Variants in TIPRL observed in about 807,000 individuals in gnomAD.
TIPRL encodes the protein TIP41-like protein.
In TIPRL, 10 loss-of-function variants were observed where a neutral mutation model predicts 32.3. The observed-to-expected ratio is 0.31, with a 90% CI of 0.19 to 0.52. The LOEUF is 0.52. Among genes scored for constraint, TIPRL ranks in the 20% least tolerant of loss-of-function variants. The pLI, the probability that TIPRL is intolerant of heterozygous loss-of-function variation, is 0.96. For synonymous variants in TIPRL, 100 were observed against 114.0 expected (o/e 0.88, Z 0.78); for missense variants, 250 against 328.1 (o/e 0.76, Z 1.84).
intron 4 of TIPRL, among the ~76,000 whole-genome samples, chr1:168,194,829 A>G (rs568793955): frequency 2.6e-5 from 4 of 152,210 alleles, no homozygotes; most frequent in Non-Finnish European, 5.9e-5. Flanking sequence ...TTTCTAAGCA[A>G]TAGAGATGTG....
chr1:168,192,352 TC>T, intron 4 of TIPRL: 1 of 882,782 alleles, frequency 1.1e-6, no homozygotes, highest in Non-Finnish European at 1.4e-6. Flanking sequence ...AGACTCCGTC[TC>T]AAAAAAAAAA....
intron 1 of TIPRL, among the ~76,000 whole-genome samples, chr1:168,180,526 G>C (rs746617842): frequency 6.6e-6 from 1 of 152,168 alleles, no homozygotes; most frequent in African/African-American, 2.4e-5. Flanking sequence ...CTTTGGGAAT[G>C]AATTAAGGTA....
chr1:168,185,691 AC>A (rs1450748701), intron 3 of TIPRL, among the ~76,000 whole-genome samples: 2 of 148,796 alleles, frequency 1.3e-5, no homozygotes, highest in African/African-American at 5.0e-5. Context: ...AATTGCTTGA[AC>A]CCGGGAGGTG....
intron 4 of TIPRL, among the ~76,000 whole-genome samples, chr1:168,194,099 T>C (rs1308433375): frequency 6.6e-6 from 1 of 152,068 alleles, no homozygotes; most frequent in African/African-American, 2.4e-5. Flanking sequence ...ATTTGGAAAA[T>C]AGTTGACTTC....
intron 5 of TIPRL, 84 bp downstream of exon 5, chr1:168,196,726 A>C: frequency 1.0e-6 from 1 of 975,784 alleles, no homozygotes; most frequent in Non-Finnish European, 1.5e-6. Flanking sequence ...ATTTGAAATT[A>C]AACAATCTAT....
At position 168,185,624 on chromosome 1, in the gene TIPRL, G is replaced by C. The variant is rs574326534; in HGVS notation, c.384+746G>C. On this transcript the variant is annotated intron_variant, in intron 3 of 6. Coordinates refer to ENST00000367833, the MANE Select transcript of TIPRL (RefSeq NM_152902.5). ...CTTGTCTATTAAAAAAAAAAAATTA[G>C]CTGGGTGTGGTGGCGCACACCTGTA... 3.3e-5 allele frequency among the ~76,000 whole-genome samples: 5 copies of C among 149,958 alleles called. No homozygotes were observed. In the East Asian group the frequency reaches 9.8e-4, roughly 29 times the overall value.
intron 4 of TIPRL, 58 bp from the exon 5 acceptor site, chr1:168,196,489 A>G (rs1700154313): frequency 8.1e-7 from 1 of 1,239,736 alleles, no homozygotes; most frequent in Non-Finnish European, 1.1e-6. Context: ...CTTTCAGCAA[A>G]GTAATAAAAT....
intron 4 of TIPRL, 125 bp from the exon 5 acceptor site, chr1:168,196,422 A>G (rs1020408965): frequency 1.8e-6 from 1 of 557,914 alleles, no homozygotes; most frequent in Non-Finnish European, 2.9e-6. Context: ...AGATTTTTAT[A>G]AACTGTGAAT....
At chr1:168,188,243 T>C (rs1700052081) in intron 3 of TIPRL, among the ~76,000 whole-genome samples, 1 of 152,178 alleles carries the variant, frequency 6.6e-6, no homozygotes, top group Non-Finnish European at 1.5e-5. Flanking sequence ...TATTTTCATT[T>C]CAGTTCTAGG....
chr1:168,187,411 G>C (rs1310440609), intron 3 of TIPRL, among the ~76,000 whole-genome samples: 1 of 152,214 alleles, frequency 6.6e-6, no homozygotes, highest in African/African-American at 2.4e-5. Flanking sequence ...CAAGGAGTGT[G>C]AGAGTAGTAG....
intron 4 of TIPRL, among the ~76,000 whole-genome samples, chr1:168,191,858 CA>C (rs60988834): frequency 0.033 from 1,285 of 38,886 alleles, 5 homozygotes; most frequent in African/African-American, 0.093. Context: ...GGCGACAGAG[CA>C]AAAAAAAAAA....
chr1:168,199,777 A>T, intron 6 of TIPRL, 126 bp from the exon 7 acceptor site: 1 of 797,286 alleles, frequency 1.3e-6, no homozygotes, highest in Non-Finnish European at 1.9e-6. Context: ...TATTTTTAGG[A>T]GCACATATGC....
chr1:168,200,359 A>T lies in TIPRL; in HGVS notation c.*313A>T, dbSNP rs1459001443. 1 of 199,652 alleles carries T rather than the reference A, an allele frequency of 5.0e-6. No individual in the cohort carries two copies. The highest frequency in any genetic ancestry group is 1.0e-5 in the Non-Finnish European group (1 of 97,936). 12.4% of individuals were successfully genotyped at this position (199,652 alleles called of 1,614,324 possible). Reference sequence around the variant, plus strand: ...GCAGTGAGCACAGTCTGCATTCATCATGAAACACTATCTTCTACCAGGAGG... The same window carrying T: ...GCAGTGAGCACAGTCTGCATTCATCTTGAAACACTATCTTCTACCAGGAGG... On this transcript the variant is annotated 3_prime_UTR_variant, in exon 7 of 7. Transcript: ENST00000367833.
rs967086074 is a variant in TIPRL, at chr1:168,183,797, G to A, written c.105-105G>A. On this transcript the variant is annotated intron_variant, in intron 1 of 6. Transcript: ENST00000367833. ...TATCATATTGATTAAATCATGTGCT[G>A]TGTAACTCATTCAGCAAGTAGGAAG... The A allele has an allele frequency of 7.6e-6, 9 of 1,177,614 alleles. No individual in the cohort carries two copies. In the African/African-American group the frequency reaches 1.2e-4, roughly 16 times the overall value. The allele number at this position is 1,177,614 out of a possible 1,614,324, so 72.9% of individuals were successfully genotyped here. A position where few individuals can be genotyped will look rare whatever the true frequency, so the allele number is the denominator to read the frequency against.
Position 168,201,697 on chromosome 1 carries a change from G to T in TIPRL, c.*1651G>T, listed in dbSNP as rs1334588540. The T allele has an allele frequency of 6.6e-6, 1 of 150,898 alleles. No individual in the cohort carries two copies. The highest frequency in any genetic ancestry group is 1.5e-5 in the Non-Finnish European group (1 of 67,740). 9.3% of individuals were successfully genotyped at this position (150,898 alleles called of 1,614,324 possible). On this transcript the variant is annotated 3_prime_UTR_variant, in exon 7 of 7. Transcript: ENST00000367833. ...TGCCATTGAGATTAGAATAGAACAG[G>T]CTCTATTCATGCAAACTATATGAAA... is the stretch of plus-strand genomic sequence containing the variant.
Position 168,199,608 on chromosome 1 carries a change from T to G in TIPRL, c.676-295T>G, listed in dbSNP as rs180898842. On this transcript the variant is annotated intron_variant, in intron 6 of 6. Coordinates refer to ENST00000367833, the MANE Select transcript of TIPRL (RefSeq NM_152902.5). The stretch of plus-strand genomic sequence containing the variant: ...ATGCTGTGCTCTAACCGAAGACTAG[T>G]GTTTTCAAGTTACAAAAGCAGGAGA... 4.2e-3 allele frequency among the ~76,000 whole-genome samples: 636 copies of G among 152,294 alleles called. 3 individuals carry two copies. The highest frequency in any genetic ancestry group is 6.8e-3 in the Non-Finnish European group (465 of 67,994).
chr1:168,197,393 A>G (rs1700169713), intron 5 of TIPRL, among the ~76,000 whole-genome samples: 1 of 152,066 alleles, frequency 6.6e-6, no homozygotes, highest in Non-Finnish European at 1.5e-5. Flanking sequence ...TAAACCCTTC[A>G]CTTAGGGATT....
Position 168,184,763 on chromosome 1 carries a change from C to T in TIPRL, c.285-16C>T. ...CTGCATCACTGAATCTGATCCTTCT[C>T]ATTTTGGTATTTGAGGACGGAGGGT... On this transcript the variant is annotated splice_polypyrimidine_tract_variant and intron_variant, in intron 2 of 6. Transcript: ENST00000367833. The T allele has an allele frequency of 1.3e-6, 2 of 1,543,620 alleles. No homozygotes were observed. The highest frequency in any genetic ancestry group is 1.8e-6 in the Non-Finnish European group (2 of 1,119,180).
intron 3 of TIPRL, among the ~76,000 whole-genome samples, chr1:168,189,988 G>T (rs1345232872): frequency 6.6e-6 from 1 of 152,196 alleles, no homozygotes; most frequent in African/African-American, 2.4e-5. Flanking sequence ...GGGGATTCAG[G>T]AGTATCTATA....
Sources: allele counts gnomAD v4.1 joint callset (sites outside exome capture counted in the v4.1 genomes callset), GRCh38; gene constraint gnomAD v4.1.1; transcripts MANE v1.5; gene names NCBI Gene and HGNC (gene_info 2026-07-23, HGNC 2026-07-21).